SOX5: variants seen among roughly 807,000 people sequenced by gnomAD.
The protein encoded by SOX5 is transcription factor SOX-5.
SOX5 carries 9 observed loss-of-function variants against 92.0 expected under a neutral mutation model. That is an observed-to-expected ratio of 0.10 (90% confidence interval 0.06 to 0.17). The LOEUF is 0.17. Ranked by LOEUF, SOX5 falls within the 10% of genes least tolerant of loss-of-function variation. The pLI, the probability that SOX5 is intolerant of heterozygous loss-of-function variation, is 1.00. For synonymous variants in SOX5, 344 were observed against 336.3 expected (o/e 1.02, Z -0.25); for missense variants, 642 against 944.5 (o/e 0.68, Z 4.20).
intron 4 of SOX5, among the ~76,000 whole-genome samples, chr12:24,189,990 T>C (rs966085222): frequency 6.6e-6 from 1 of 152,134 alleles, no homozygotes; most frequent in Non-Finnish European, 1.5e-5. Context: ...AAGGAGGAAA[T>C]TCCAGGAATG....
chr12:24,540,886 G>A (rs933461009), intron 1 of SOX5, among the ~76,000 whole-genome samples: 14 of 152,114 alleles, frequency 9.2e-5, no homozygotes, highest in African/African-American at 3.4e-4. Context: ...CCTGTAGATG[G>A]CTATGTATGT....
At chr12:24,094,280 A>G (rs987565683) in intron 4 of SOX5, among the ~76,000 whole-genome samples, 1 of 152,178 alleles carries the variant, frequency 6.6e-6, no homozygotes, top group African/African-American at 2.4e-5. Flanking sequence ...AATTTCTGTC[A>G]TAGCTAAAGT....
intron 9 of SOX5, chr12:23,584,629 T>TA: frequency 1.9e-6 from 3 of 1,575,422 alleles, no homozygotes; most frequent in Non-Finnish European, 2.6e-6. Flanking sequence ...TAATGACAGT[T>TA]ACGACAGTTA....
intron 1 of SOX5, among the ~76,000 whole-genome samples, chr12:23,926,993 A>G (rs930360295): frequency 1.3e-5 from 2 of 152,144 alleles, no homozygotes; most frequent in Non-Finnish European, 2.9e-5. Flanking sequence ...CATGTTTACT[A>G]CTAAAAAATG....
At chr12:24,401,684 G>C (rs1961657528) in intron 1 of SOX5, among the ~76,000 whole-genome samples, 1 of 134,954 alleles carries the variant, frequency 7.4e-6, no homozygotes, top group African/African-American at 2.9e-5. Context: ...CTCCAGCCTG[G>C]ATGACAGAGC....
At chr12:23,961,720 C>G (rs536547191) in intron 4 of SOX5, among the ~76,000 whole-genome samples, 1 of 152,120 alleles carries the variant, frequency 6.6e-6, no homozygotes, top group South Asian at 2.1e-4. Flanking sequence ...ATTATTGTAT[C>G]CTCAAGACTA....
chr12:23,895,983 T>C lies in SOX5; in HGVS notation c.80A>G (p.Asp27Gly). The C allele has an allele frequency of 6.2e-7, 1 of 1,614,120 alleles. No homozygotes were observed. Among genetic ancestry groups the C allele is most frequent in the Non-Finnish European group, 8.5e-7 (1 of 1,179,982 alleles). The change falls in exon 2 of 15, where the codon GAT becomes GGT. Residue 27 changes from aspartate (D) to glycine (G), a missense_variant. Asp to Gly is a moderately conservative substitution (Grantham distance 94, BLOSUM62 -1). Coordinates refer to ENST00000451604, the MANE Select transcript of SOX5 (RefSeq NM_006940.6). Reference protein sequence around the residue: ...KRPASPYGEADGEVAMVTSRQ... With the variant: ...KRPASPYGEAGGEVAMVTSRQ... Reference sequence around the variant, plus strand: ...GCTTGTCACCATGGCTACCTCTCCATCTGCTTCCCCATACGGAGAGGCTGG... The same window carrying C: ...GCTTGTCACCATGGCTACCTCTCCACCTGCTTCCCCATACGGAGAGGCTGG...
At chr12:23,765,633 A>G (rs1453412408) in intron 3 of SOX5, among the ~76,000 whole-genome samples, 1 of 152,022 alleles carries the variant, frequency 6.6e-6, no homozygotes, top group African/African-American at 2.4e-5. Context: ...CTTTTGAAAT[A>G]TTTATTTAAT....
chr12:24,255,226 T>C (rs1940945790), intron 3 of SOX5, among the ~76,000 whole-genome samples: 1 of 152,190 alleles, frequency 6.6e-6, no homozygotes, highest in African/African-American at 2.4e-5. Flanking sequence ...GTGTCTTTGC[T>C]GTCTACATAA....
intron 3 of SOX5, among the ~76,000 whole-genome samples, chr12:23,822,485 G>A (rs573925468): frequency 6.6e-6 from 1 of 152,098 alleles, no homozygotes; most frequent in Non-Finnish European, 1.5e-5. Context: ...TGTGGTCTAA[G>A]AGACTGTTAT....
At chr12:23,721,143 T>TGGCACGATCTTGGCTGACTGCAAC (rs2092793464) in intron 6 of SOX5, among the ~76,000 whole-genome samples, 1 of 152,146 alleles carries the variant, frequency 6.6e-6, no homozygotes, top group Non-Finnish European at 1.5e-5. Context: ...TGGAGTGCAA[T>TGGCACGATCTTGGCTGACTGCAAC]GGCACGATCT....
chr12:23,641,661 T>C (rs1184266915), intron 7 of SOX5, among the ~76,000 whole-genome samples: 2 of 152,164 alleles, frequency 1.3e-5, no homozygotes, highest in African/African-American at 2.4e-5. Context: ...TTATTTTTTA[T>C]GAAAATCAAG....
At chr12:23,643,738 G>A (rs1352930869) in intron 7 of SOX5, among the ~76,000 whole-genome samples, 2 of 152,166 alleles carry the variant, frequency 1.3e-5, no homozygotes, top group African/African-American at 4.8e-5. Flanking sequence ...TTAATGATGT[G>A]GAGGTCACTG....
At chr12:23,792,040 A>C (rs979660590) in intron 3 of SOX5, among the ~76,000 whole-genome samples, 1 of 151,992 alleles carries the variant, frequency 6.6e-6, no homozygotes, top group Non-Finnish European at 1.5e-5. Context: ...TTTATTAATC[A>C]GGGAAGATTT....
intron 4 of SOX5, among the ~76,000 whole-genome samples, chr12:23,749,681 A>T (rs1274923797): frequency 6.6e-6 from 1 of 151,988 alleles, no homozygotes; most frequent in Non-Finnish European, 1.5e-5. Flanking sequence ...ATATTATTAA[A>T]AAATGTTACC....
intron 3 of SOX5, among the ~76,000 whole-genome samples, chr12:23,839,357 C>A (rs918376831): frequency 6.6e-6 from 1 of 152,102 alleles, no homozygotes; most frequent in Non-Finnish European, 1.5e-5. Flanking sequence ...TCATCTAAAG[C>A]TGAGCCCCCA....
chr12:24,412,886 G>C (rs1394254912), intron 1 of SOX5, among the ~76,000 whole-genome samples: 1 of 150,528 alleles, frequency 6.6e-6, no homozygotes, highest in African/African-American at 2.5e-5. Flanking sequence ...ATCCCGAGTA[G>C]CTGGGACTAC....
At chr12:23,839,038 A>ATTTTTT (rs1443200185) in intron 3 of SOX5, among the ~76,000 whole-genome samples, 1 of 150,416 alleles carries the variant, frequency 6.6e-6, no homozygotes, top group African/African-American at 2.4e-5. Flanking sequence ...TAGTAGAGAC[A>ATTTTTT]GGGTTTTACC....
intron 4 of SOX5, among the ~76,000 whole-genome samples, chr12:24,164,766 C>T (rs144603666): frequency 6.6e-6 from 1 of 152,022 alleles, no homozygotes; most frequent in Non-Finnish European, 1.5e-5. Flanking sequence ...CATTCCCCTA[C>T]TTTTCTGTTT....
Sources: gnomAD v4.1 joint callset for allele counts (sites outside exome capture counted in the v4.1 genomes callset) on GRCh38, gnomAD v4.1.1 for gene constraint, MANE v1.5 for transcripts, NCBI Gene and HGNC (gene_info 2026-07-23, HGNC 2026-07-21) for gene names.